SEC22A: variants seen among roughly 807,000 people sequenced by gnomAD.
SEC22A encodes SEC22 homolog A, vesicle trafficking protein.
SEC22A carries 22 observed loss-of-function variants against 35.3 expected under a neutral mutation model. The ratio of observed to expected loss-of-function variants is 0.62; its 90% confidence interval spans 0.45 to 0.89. The LOEUF is 0.89. Among genes scored for constraint, SEC22A ranks in the 40% least tolerant of loss-of-function variants. The pLI is 0.00. For synonymous variants in SEC22A, 119 were observed against 129.5 expected (o/e 0.92, Z 0.55); for missense variants, 354 against 362.5 (o/e 0.98, Z 0.19).
rs781297342 is a variant in SEC22A, at chr3:123,223,711, T to C, written c.335T>C (p.Phe112Ser). Residue 112 changes from phenylalanine (F) to serine (S), a missense_variant, in exon 3 of 7, where the codon TTC becomes TCC. Phe to Ser is a radical substitution (Grantham distance 155). Transcript: ENST00000492595. The stretch of plus-strand genomic sequence containing the variant: ...AATACTGCTGTCAGACCATACTGTT[T>C]CATTGAATTTGGTAAGGGCCTGATT... ...KTNTAVRPYCFIEFDNFIQRT... is the reference protein window; with the variant it reads ...KTNTAVRPYCSIEFDNFIQRT... 1 of 1,611,692 alleles carries C rather than the reference T, an allele frequency of 6.2e-7. No homozygotes were observed. Among genetic ancestry groups the C allele is most frequent in the South Asian group, 1.1e-5 (1 of 90,596 alleles).
chr3:123,243,339 ATAAAG>A (rs1287231356), intron 4 of SEC22A, among the ~76,000 whole-genome samples: 4 of 152,310 alleles, frequency 2.6e-5, no homozygotes, highest in African/African-American at 9.6e-5. Flanking sequence ...GACCAAGTAT[ATAAAG>A]CACTTGGTGC....
chr3:123,237,342 A>G (rs1937440941), intron 4 of SEC22A, among the ~76,000 whole-genome samples: 2 of 98,386 alleles, frequency 2.0e-5, no homozygotes, highest in Non-Finnish European at 4.4e-5. Context: ...AGTACCTACA[A>G]CAGGTCAGAG....
At chr3:123,263,620 A>G (rs542179441) in intron 6 of SEC22A, among the ~76,000 whole-genome samples, 140 of 150,668 alleles carry the variant, frequency 9.3e-4, no homozygotes, top group African/African-American at 3.2e-3. Flanking sequence ...AGTTCAAGCA[A>G]TTCTCCTGCC....
At chr3:123,242,501 C>CTT (rs11448666) in intron 4 of SEC22A, among the ~76,000 whole-genome samples, 95 of 146,786 alleles carry the variant, frequency 6.5e-4, no homozygotes, top group African/African-American at 1.8e-3. Context: ...TTCCCCATTT[C>CTT]TTTTTTTTTT....
At chr3:123,210,211 A>G (rs1175490798) in intron 2 of SEC22A, among the ~76,000 whole-genome samples, 1 of 152,192 alleles carries the variant, frequency 6.6e-6, no homozygotes, top group African/African-American at 2.4e-5. Context: ...TAAAGGAGGA[A>G]GTGGAAGCAG....
rs1444894723 is a variant in SEC22A at position 123,201,977 on chromosome 3, G to C, written c.-29G>C. On this transcript the variant is annotated 5_prime_UTR_variant, in exon 1 of 7. Transcript: ENST00000492595. ...CGCGTCACTCGGAGCGGCGGGTCCCGTCTCGACAGGTACTCCCCGGCCCCT... is the reference window on the plus strand; with the variant it reads ...CGCGTCACTCGGAGCGGCGGGTCCCCTCTCGACAGGTACTCCCCGGCCCCT... 6.6e-6 allele frequency: 1 copy of C among 152,494 alleles called. No homozygotes were observed. Among genetic ancestry groups the C allele is most frequent in the Non-Finnish European group, 1.5e-5 (1 of 68,050 alleles). The allele number at this position is 152,494 out of a possible 1,614,324, so 9.4% of individuals were successfully genotyped here. A position where few individuals can be genotyped will look rare whatever the true frequency, so the allele number is the denominator to read the frequency against.
At position 123,219,691 on chromosome 3, in the gene SEC22A, T is replaced by G. The variant is rs140353060; in HGVS notation, c.183-3868T>G. Reference sequence around the variant, plus strand: ...GCTATTACTCTTACTACTATTTCTCTTCTTTCTCCTCAAGGCAGATAGACA... The same window carrying G: ...GCTATTACTCTTACTACTATTTCTCGTCTTTCTCCTCAAGGCAGATAGACA... On this transcript the variant is annotated intron_variant, in intron 2 of 6. Transcript: ENST00000492595. Among the ~76,000 whole-genome samples, 5 of 152,336 alleles carry G rather than the reference T, an allele frequency of 3.3e-5. No homozygotes were observed. The East Asian group carries it at 9.6e-4, about 29-fold the overall frequency.
At chr3:123,206,460 C>T (rs977135811) in intron 1 of SEC22A, among the ~76,000 whole-genome samples, 2 of 152,144 alleles carry the variant, frequency 1.3e-5, no homozygotes, top group Non-Finnish European at 2.9e-5. Flanking sequence ...TATTGTGTTG[C>T]AGTGTACTTC....
chr3:123,214,502 C>G (rs930871836), intron 2 of SEC22A, among the ~76,000 whole-genome samples: 2 of 152,146 alleles, frequency 1.3e-5, no homozygotes, highest in African/African-American at 4.8e-5. Context: ...GTGATTTCTT[C>G]TCACATTCTA....
chr3:123,202,802 C>T (rs1177452114), intron 1 of SEC22A, among the ~76,000 whole-genome samples: 2 of 152,278 alleles, frequency 1.3e-5, no homozygotes, highest in African/African-American at 2.4e-5. Context: ...GTATCAGCCA[C>T]CAGACTGGAG....
intron 1 of SEC22A, chr3:123,208,800 T>C: frequency 5.4e-6 from 1 of 183,680 alleles, no homozygotes. Context: ...TTTTTTGTTT[T>C]TTTTTTCCTC....
chr3:123,225,203 T>C lies in SEC22A; in HGVS notation c.447T>C (p.Pro149=), dbSNP rs1186825301. 6.2e-7 allele frequency: 1 copy of C among 1,613,608 alleles called. No individual in the cohort carries two copies. Among genetic ancestry groups the C allele is most frequent in the Non-Finnish European group, 8.5e-7 (1 of 1,179,536 alleles). The change falls in exon 4 of 7, where the codon CCT becomes CCC. Residue 149 remains proline, a synonymous_variant. Transcript: ENST00000492595. ...TGCAGACGGAAATCAAGCTGAGGCC[T>C]CCTTATCAAATTTCCATGTGCGAAC... The part of the protein sequence containing the change: ...SDMQTEIKLR[P]PYQISMCELG...
chr3:123,252,415 C>T (rs956699984), intron 5 of SEC22A, among the ~76,000 whole-genome samples: 19 of 152,208 alleles, frequency 1.2e-4, no homozygotes, highest in Non-Finnish European at 2.8e-4. Context: ...TTATTCATAT[C>T]ACAATGTTAG....
intron 2 of SEC22A, among the ~76,000 whole-genome samples, chr3:123,218,912 C>T (rs1404667071): frequency 2.6e-5 from 4 of 152,164 alleles, no homozygotes; most frequent in African/African-American, 9.7e-5. Context: ...ATCATCCCTG[C>T]TCTCATGGAG....
chr3:123,214,600 A>T (rs1255429228), intron 2 of SEC22A, among the ~76,000 whole-genome samples: 1 of 152,198 alleles, frequency 6.6e-6, no homozygotes, highest in Non-Finnish European at 1.5e-5. Flanking sequence ...ACTGTAATGA[A>T]TTTTTAATGA....
intron 1 of SEC22A, chr3:123,208,792 T>C (rs1936891283): frequency 5.5e-6 from 1 of 183,382 alleles, no homozygotes; most frequent in African/African-American, 2.4e-5. Context: ...TTAATTAGTT[T>C]TTTGTTTTTT....
chr3:123,230,110 G>C (rs1206086755), intron 4 of SEC22A, among the ~76,000 whole-genome samples: 1 of 152,078 alleles, frequency 6.6e-6, no homozygotes, highest in Non-Finnish European at 1.5e-5. Flanking sequence ...CTGCCCTCCA[G>C]CCTGGGCAGT....
chr3:123,216,517 T>C (rs1937028991), intron 2 of SEC22A, among the ~76,000 whole-genome samples: 1 of 152,242 alleles, frequency 6.6e-6, no homozygotes, highest in Non-Finnish European at 1.5e-5. Flanking sequence ...TCATTTTTAA[T>C]GATGTTAAAA....
chr3:123,253,543 C>G (rs1474103400), intron 5 of SEC22A, among the ~76,000 whole-genome samples: 4 of 127,414 alleles, frequency 3.1e-5, no homozygotes, highest in Middle Eastern at 4.4e-3. Context: ...GAAACCCCAT[C>G]TCTACTAAAA....
Sources: allele counts gnomAD v4.1 joint callset (sites outside exome capture counted in the v4.1 genomes callset), GRCh38; gene constraint gnomAD v4.1.1; transcripts MANE v1.5; gene names NCBI Gene and HGNC (gene_info 2026-07-23, HGNC 2026-07-21).